Variants in LRRC4C observed in about 807,000 individuals in gnomAD.
LRRC4C encodes the protein leucine rich repeat containing 4C.
Under a neutral mutation model 33.6 loss-of-function variants are expected in LRRC4C, and 5 were observed. The observed-to-expected ratio is 0.15, with a 90% confidence interval of 0.08 to 0.31. The LOEUF is 0.31. Among genes scored for constraint, LRRC4C ranks in the 10% least tolerant of loss-of-function variants. LRRC4C has a pLI of 1.00. For missense variants in LRRC4C, 560 were observed against 796.7 expected, an observed-to-expected ratio of 0.70 and a Z score of 3.58; for synonymous variants, 329 against 302.0, an observed-to-expected ratio of 1.09 and a Z score of -0.93.
chr11:40,460,713 C>A (rs1400913984), intron 3 of LRRC4C, among the ~76,000 whole-genome samples: 1 of 152,124 alleles, frequency 6.6e-6, no homozygotes, highest in African/African-American at 2.4e-5. Flanking sequence ...TATAGCTATG[C>A]ACCAGACAAG....
At chr11:40,576,167 TGAAG>T (rs1203808662) in intron 3 of LRRC4C, among the ~76,000 whole-genome samples, 3 of 152,230 alleles carry the variant, frequency 2.0e-5, no homozygotes, top group African/African-American at 7.2e-5. Flanking sequence ...TAGAGAGGGA[TGAAG>T]GAAGATAAAA....
At chr11:41,312,086 T>C (rs568628451) in intron 1 of LRRC4C, among the ~76,000 whole-genome samples, 1 of 152,336 alleles carries the variant, frequency 6.6e-6, no homozygotes, top group South Asian at 2.1e-4. Context: ...TCTATTGATA[T>C]ATGGAATCTG....
intron 4 of LRRC4C, among the ~76,000 whole-genome samples, chr11:40,286,930 C>T (rs896401291): frequency 2.0e-5 from 3 of 152,090 alleles, no homozygotes; most frequent in Non-Finnish European, 4.4e-5. Flanking sequence ...CACAATTCTG[C>T]CTTTCTCACT....
At chr11:40,328,805 TGG>T (rs1309099046) in intron 3 of LRRC4C, among the ~76,000 whole-genome samples, 1 of 152,262 alleles carries the variant, frequency 6.6e-6, no homozygotes, top group East Asian at 1.9e-4. Flanking sequence ...TACTTGCATT[TGG>T]AGTGCTCAGA....
intron 2 of LRRC4C, among the ~76,000 whole-genome samples, chr11:40,921,392 GA>G (rs1333063033): frequency 1.3e-5 from 2 of 152,118 alleles, no homozygotes; most frequent in Non-Finnish European, 2.9e-5. Flanking sequence ...TAGAAGCTGA[GA>G]ATGACCTTCT....
chr11:40,359,468 T>C (rs1406991974), intron 3 of LRRC4C, among the ~76,000 whole-genome samples: 1 of 152,218 alleles, frequency 6.6e-6, no homozygotes, highest in Non-Finnish European at 1.5e-5. Context: ...AATGTTAATT[T>C]CACTGCTCAT....
chr11:40,160,178 A>AT (rs373534855), intron 5 of LRRC4C, among the ~76,000 whole-genome samples: 162 of 146,336 alleles, frequency 1.1e-3, no homozygotes, highest in Admixed American at 1.2e-3. Context: ...AGTTGCGAAG[A>AT]TTTTTTTTTT....
At chr11:40,151,834 G>A (rs1359069886) in intron 5 of LRRC4C, among the ~76,000 whole-genome samples, 4 of 152,186 alleles carry the variant, frequency 2.6e-5, no homozygotes, top group African/African-American at 9.7e-5. Flanking sequence ...AGATACTCCA[G>A]AAATTCTACA....
chr11:41,095,836 C>T (rs531228126), intron 1 of LRRC4C, among the ~76,000 whole-genome samples: 1 of 152,250 alleles, frequency 6.6e-6, no homozygotes, highest in African/African-American at 2.4e-5. Flanking sequence ...CTGTCTGACT[C>T]ATGTGTGAGT....
At chr11:41,095,490 C>T (rs949775882) in intron 1 of LRRC4C, among the ~76,000 whole-genome samples, 1 of 152,118 alleles carries the variant, frequency 6.6e-6, no homozygotes, top group Admixed American at 6.5e-5. Flanking sequence ...GAACTCTTCT[C>T]CATGGGAAGA....
intron 3 of LRRC4C, among the ~76,000 whole-genome samples, chr11:40,430,319 G>C (rs1280242513): frequency 1.3e-5 from 2 of 152,040 alleles, no homozygotes; most frequent in East Asian, 3.9e-4. Flanking sequence ...CTAGAAGAAA[G>C]TTTTCTGATG....
chr11:40,359,334 T>C (rs756214048), intron 3 of LRRC4C, among the ~76,000 whole-genome samples: 3 of 152,204 alleles, frequency 2.0e-5, no homozygotes, highest in Non-Finnish European at 4.4e-5. Flanking sequence ...GTGCATGTCA[T>C]ATTCTGGTTG....
chr11:41,222,323 C>T (rs1326765158), intron 1 of LRRC4C, among the ~76,000 whole-genome samples: 1 of 152,088 alleles, frequency 6.6e-6, no homozygotes, highest in African/African-American at 2.4e-5. Context: ...GGCTGGAGAC[C>T]CAGCAGGCTG....
chr11:40,454,827 G>A (rs1029749511), intron 3 of LRRC4C, among the ~76,000 whole-genome samples: 9 of 152,134 alleles, frequency 5.9e-5, no homozygotes, highest in African/African-American at 1.9e-4. Context: ...CTTCAGGTGG[G>A]AGTGAAGTTG....
At chr11:40,582,513 GTTTTT>G (rs35497785) in intron 3 of LRRC4C, among the ~76,000 whole-genome samples, 2 of 115,606 alleles carry the variant, frequency 1.7e-5, no homozygotes, top group African/African-American at 6.5e-5. Context: ...CCCTTGTTCA[GTTTTT>G]TTTTTTTTTT....
rs190977832 is a variant in LRRC4C, at chr11:40,964,599, T to C, written c.-495-30876A>G. 1.1e-4 allele frequency among the ~76,000 whole-genome samples: 16 copies of C among 147,964 alleles called. 1 individual carries two copies. The highest frequency in any genetic ancestry group is 3.5e-4 in the African/African-American group (14 of 40,238). ...TGTGTTCTCATTGTTCAATTCCCAC[T>C]TATGAGTGAGAATATGCGGTGTTTG... On this transcript the variant is annotated intron_variant, in intron 1 of 6. Coordinates refer to ENST00000528697, the MANE Select transcript of LRRC4C (RefSeq NM_001258419.2).
At chr11:41,031,878 C>A (rs1856749471) in intron 1 of LRRC4C, among the ~76,000 whole-genome samples, 1 of 152,044 alleles carries the variant, frequency 6.6e-6, no homozygotes, top group East Asian at 1.9e-4. Context: ...GGATACATGC[C>A]AGAAGCTGTC....
intron 1 of LRRC4C, among the ~76,000 whole-genome samples, chr11:41,290,146 A>G (rs554756762): frequency 6.6e-6 from 1 of 152,358 alleles, no homozygotes; most frequent in East Asian, 1.9e-4. Flanking sequence ...ACCACATACC[A>G]AAAACATCAG....
chr11:40,395,069 T>C (rs542667892), intron 3 of LRRC4C, among the ~76,000 whole-genome samples: 1 of 152,280 alleles, frequency 6.6e-6, no homozygotes, highest in African/African-American at 2.4e-5. Context: ...GAGTAGGATA[T>C]AGTCTATAAT....
Sources: allele counts gnomAD v4.1 joint callset (sites outside exome capture counted in the v4.1 genomes callset), GRCh38; gene constraint gnomAD v4.1.1; transcripts MANE v1.5; gene names NCBI Gene and HGNC (gene_info 2026-07-23, HGNC 2026-07-21).